Variants in SMARCAL1 observed in about 807,000 individuals in gnomAD.
SMARCAL1 encodes the protein ATP-driven annealing helicase.
In SMARCAL1, 58 loss-of-function variants were observed where a neutral mutation model predicts 94.5. That is an observed-to-expected ratio of 0.61 (90% CI 0.50 to 0.76). The LOEUF is 0.76. Ranked by LOEUF, SMARCAL1 falls within the 30% of genes least tolerant of loss-of-function variation. The probability of loss-of-function intolerance (pLI) is 0.00; values close to 1 mark genes in which losing one functional copy is unlikely to be tolerated. For synonymous variants in SMARCAL1, 422 were observed against 455.1 expected (o/e 0.93, Z 0.93); for missense variants, 1,051 against 1,177.9 (o/e 0.89, Z 1.58).
intron 12 of SMARCAL1, among the ~76,000 whole-genome samples, chr2:216,459,178 TA>T (rs1217783025): frequency 6.6e-6 from 1 of 151,884 alleles, no homozygotes; most frequent in Non-Finnish European, 1.5e-5. Context: ...CTCAACGAAA[TA>T]AAAGAGGATA....
At chr2:216,432,657 C>G (rs1272020382) in intron 7 of SMARCAL1, 61 bp from the exon 8 acceptor site, 1 of 1,604,818 alleles carries the variant, frequency 6.2e-7, no homozygotes, top group Non-Finnish European at 8.5e-7. Flanking sequence ...ACCCACCGGA[C>G]ATGAGGGCAG....
intron 12 of SMARCAL1, among the ~76,000 whole-genome samples, chr2:216,462,130 G>A (rs1226790647): frequency 2.0e-5 from 3 of 152,224 alleles, no homozygotes; most frequent in Non-Finnish European, 4.4e-5. Context: ...CACCAGTCAA[G>A]TATAATAAAA....
rs377240224 is a variant in SMARCAL1, at chr2:216,438,375, A to G, written c.1645-45A>G. On this transcript the variant is annotated intron_variant, in intron 9 of 17. Transcript: ENST00000357276. ...CCTAAAGTGACCCATATTTCTGTCC[A>G]CTCAGGATTGGATCTTGTACACTTA... 5.8e-6 allele frequency: 9 copies of G among 1,544,094 alleles called. No individual in the cohort carries two copies. In the South Asian group the frequency reaches 7.8e-5, roughly 13 times the overall value.
intron 11 of SMARCAL1, among the ~76,000 whole-genome samples, chr2:216,449,678 C>G (rs904311615): frequency 2.0e-5 from 3 of 152,124 alleles, no homozygotes; most frequent in African/African-American, 7.2e-5. Context: ...GAAAACCTAG[C>G]CCCTACCCTC....
intron 11 of SMARCAL1, among the ~76,000 whole-genome samples, 160 bp from the exon 12 acceptor site, chr2:216,450,686 T>C (rs1371899885): frequency 6.6e-6 from 1 of 152,178 alleles, no homozygotes; most frequent in Non-Finnish European, 1.5e-5. Context: ...CATTTCTCAT[T>C]TGTTTTATTG....
In SMARCAL1 at chr2:216,412,507, A is replaced by G. The variant is rs1271122083; in HGVS notation, c.-237A>G. On this transcript the variant is annotated 5_prime_UTR_variant, in exon 1 of 18. Coordinates refer to ENST00000357276, the MANE Select transcript of SMARCAL1 (RefSeq NM_014140.4). ...CTAGCCCTTCAGGCCTGGCCGCTACAATAAGGCTGGCGAACTCGCAGCGCT... is the reference window on the plus strand; with the variant it reads ...CTAGCCCTTCAGGCCTGGCCGCTACGATAAGGCTGGCGAACTCGCAGCGCT... The G allele has an allele frequency of 1.3e-5, 2 of 152,266 alleles. No individual in the cohort carries two copies. Among genetic ancestry groups the G allele is most frequent in the African/African-American group, 4.8e-5 (2 of 41,458 alleles). The allele number at this position is 152,266 out of a possible 1,614,324, so 9.4% of individuals were successfully genotyped here. A position where few individuals can be genotyped will look rare whatever the true frequency, so the allele number is the denominator to read the frequency against.
chr2:216,458,789 C>G (rs1047257540), intron 12 of SMARCAL1, among the ~76,000 whole-genome samples: 18 of 152,206 alleles, frequency 1.2e-4, no homozygotes, highest in Non-Finnish European at 2.4e-4. Flanking sequence ...GGGATGCCCT[C>G]TCTCACCACT....
chr2:216,476,960 A>C (rs1185224740), intron 15 of SMARCAL1, 149 bp from the exon 16 acceptor site: 1 of 700,242 alleles, frequency 1.4e-6, no homozygotes, highest in Non-Finnish European at 2.6e-6. Context: ...GGTAAAGTGC[A>C]GGTTATTTCT....
chr2:216,457,730 A>G (rs1694602711), intron 12 of SMARCAL1, among the ~76,000 whole-genome samples: 1 of 152,242 alleles, frequency 6.6e-6, no homozygotes, highest in South Asian at 2.1e-4. Context: ...CCACAAGAGA[A>G]AGCAGGAAAG....
At chr2:216,470,962 A>G (rs1354434336) in intron 14 of SMARCAL1, among the ~76,000 whole-genome samples, 8 of 152,154 alleles carry the variant, frequency 5.3e-5, no homozygotes, top group African/African-American at 1.9e-4. Flanking sequence ...ATAAAATACC[A>G]ATAATTAAAA....
intron 12 of SMARCAL1, among the ~76,000 whole-genome samples, chr2:216,453,015 A>G (rs941206034): frequency 2.0e-5 from 3 of 152,200 alleles, no homozygotes; most frequent in Non-Finnish European, 4.4e-5. Flanking sequence ...ACGGAGCCAC[A>G]ACTCCCTTTT....
intron 12 of SMARCAL1, among the ~76,000 whole-genome samples, chr2:216,460,245 A>G (rs1694665179): frequency 6.6e-6 from 1 of 152,240 alleles, no homozygotes; most frequent in Non-Finnish European, 1.5e-5. Context: ...ATGGGACTGT[A>G]AACTAGTTCA....
chr2:216,450,874 C>T lies in SMARCAL1; in HGVS notation c.1880C>T (p.Ser627Phe), dbSNP rs2106055104. ...RMPWGWDYSG[S>F]SNLGELKLLL... ...CCTTGGGGGTGGGACTACTCAGGTT[C>T]CTCCAACCTGGGAGAGCTGAAGCTC... Residue 627 changes from serine (S) to phenylalanine (F), a missense_variant, in exon 12 of 18, where the codon TCC becomes TTC. By Grantham distance (155) the Ser-to-Phe change is radical. Transcript: ENST00000357276. 1.2e-6 allele frequency: 2 copies of T among 1,614,108 alleles called. No homozygotes were observed. Among genetic ancestry groups the T allele is most frequent in the South Asian group, 2.2e-5 (2 of 91,082 alleles).
intron 12 of SMARCAL1, among the ~76,000 whole-genome samples, chr2:216,459,245 A>G (rs1261817802): frequency 1.3e-5 from 2 of 152,216 alleles, no homozygotes; most frequent in African/African-American, 2.4e-5. Flanking sequence ...ATATCATGAA[A>G]ATGGCCATAC....
At chr2:216,434,609 G>T (rs982273537) in intron 8 of SMARCAL1, among the ~76,000 whole-genome samples, 3 of 151,968 alleles carry the variant, frequency 2.0e-5, no homozygotes, top group Non-Finnish European at 4.4e-5. Context: ...GCTGTGGCAG[G>T]AGGATTGCTT....
intron 14 of SMARCAL1, among the ~76,000 whole-genome samples, chr2:216,468,438 A>C (rs375680351): frequency 6.6e-6 from 1 of 152,320 alleles, no homozygotes; most frequent in African/African-American, 2.4e-5. Context: ...CTGTCAAAGC[A>C]CTTTTATTAA....
intron 12 of SMARCAL1, among the ~76,000 whole-genome samples, chr2:216,460,842 AT>A (rs757597115): frequency 8.5e-5 from 13 of 152,214 alleles, no homozygotes; most frequent in Non-Finnish European, 7.3e-5. Flanking sequence ...TAATAAAAAA[AT>A]ATATTTAAAA....
chr2:216,462,611 A>C (rs1694728565), intron 12 of SMARCAL1, among the ~76,000 whole-genome samples: 1 of 152,160 alleles, frequency 6.6e-6, no homozygotes, highest in South Asian at 2.1e-4. Context: ...TTTACAGTCT[A>C]ATCAGTGACC....
Position 216,435,416 on chromosome 2 carries a change from G to C in SMARCAL1, c.1564G>C (p.Gly522Arg). The change falls in exon 9 of 18, where the codon GGC (glycine) becomes CGC (arginine). Residue 522 changes from glycine to arginine, a missense_variant. Around this residue, in one of 3 missense-constraint regions of SMARCAL1, gnomAD observed 642 missense variants for 754.7 expected, o/e 0.85. Transcript: ENST00000357276. ...VVTGKDRLTAGLINIVSFDLL... is the reference protein window; with the variant it reads ...VVTGKDRLTARLINIVSFDLL... ...GACTGGGAAGGACCGCCTGACAGCT[G>C]GCCTGATCAACATTGTCAGCTTTGA... 1 of 1,614,178 alleles carries C rather than the reference G, an allele frequency of 6.2e-7. No individual in the cohort carries two copies.
Sources: gnomAD v4.1 joint callset for allele counts (sites outside exome capture counted in the v4.1 genomes callset) on GRCh38, gnomAD v4.1.1 for gene constraint, gnomAD v4.1.1 regional missense constraint, MANE v1.5 for transcripts, NCBI Gene and HGNC (gene_info 2026-07-23, HGNC 2026-07-21) for gene names.